The following TUSC3 variants were observed in gnomAD, a reference collection of about 807,000 sequenced individuals.
TUSC3 encodes the protein tumor suppressor candidate 3.
In TUSC3, 45 loss-of-function variants were observed where a neutral mutation model predicts 44.8. The ratio of observed to expected loss-of-function variants is 1.00; its 90% CI spans 0.79 to 1.29. The LOEUF is 1.29. Among genes scored for constraint, TUSC3 ranks in the 50% most tolerant of loss-of-function variants. TUSC3 has a pLI of 0.00. For synonymous variants in TUSC3, 212 were observed against 152.9 expected (o/e 1.39, Z -2.85); for missense variants, 519 against 437.9 (o/e 1.19, Z -1.65).
chr8:15,581,658 G>A (rs1032312973), intron 1 of TUSC3, among the ~76,000 whole-genome samples: 4 of 149,270 alleles, frequency 2.7e-5, no homozygotes, highest in Non-Finnish European at 5.9e-5. Context: ...ACCCACTTGA[G>A]GAGGCAGTCT....
At chr8:15,836,566 C>G in the TUSC3 span, among the ~76,000 whole-genome samples, 21,223 of 151,684 alleles carry the variant, frequency 0.14, 1,706 homozygotes, top group East Asian at 0.25. Flanking sequence ...TCCCTGTAGT[C>G]TAAATACGTT....
intron 1 of TUSC3, among the ~76,000 whole-genome samples, chr8:15,482,385 G>A (rs1007413655): frequency 6.6e-6 from 1 of 152,148 alleles, no homozygotes; most frequent in Non-Finnish European, 1.5e-5. Context: ...GTCTCTCCTA[G>A]AAGGTTTTCA....
At chr8:15,420,952 T>A (rs1799731329) in intron 1 of TUSC3, among the ~76,000 whole-genome samples, 1 of 152,232 alleles carries the variant, frequency 6.6e-6, no homozygotes, top group African/African-American at 2.4e-5. Flanking sequence ...TTTAATCTAG[T>A]GTCTTTGATT....
intron 6 of TUSC3, among the ~76,000 whole-genome samples, chr8:15,708,248 T>C (rs1192131015): frequency 6.6e-6 from 1 of 151,824 alleles, no homozygotes. Flanking sequence ...ATAATAAATG[T>C]AGAGGAAATG....
intron 2 of TUSC3, among the ~76,000 whole-genome samples, chr8:15,523,708 G>GTGTGTGTA (rs1432979639): frequency 8.9e-6 from 1 of 112,502 alleles, no homozygotes; most frequent in African/African-American, 3.9e-5. Flanking sequence ...GTGTGTGTGT[G>GTGTGTGTA]TATATATATA....
chr8:15,424,903 A>G (rs1438268608), intron 1 of TUSC3, among the ~76,000 whole-genome samples: 1 of 151,886 alleles, frequency 6.6e-6, no homozygotes, highest in Non-Finnish European at 1.5e-5. Context: ...AAAACTCGTT[A>G]GTGCCCTCCA....
chr8:15,499,473 A>G (rs1272899051), intron 2 of TUSC3, among the ~76,000 whole-genome samples: 4 of 152,188 alleles, frequency 2.6e-5, no homozygotes, highest in Non-Finnish European at 2.9e-5. Context: ...TTCTTCTGAT[A>G]TCTATCACTA....
chr8:15,800,197 A>G, the TUSC3 span, among the ~76,000 whole-genome samples: 100 of 152,274 alleles, frequency 6.6e-4, 6 homozygotes, highest in East Asian at 0.012. Flanking sequence ...ACATAGAGAA[A>G]CTTACATAAA....
chr8:15,776,049 T>C, the TUSC3 span, among the ~76,000 whole-genome samples: 1 of 152,072 alleles, frequency 6.6e-6, no homozygotes, highest in Non-Finnish European at 1.5e-5. Flanking sequence ...TCTAATTCAC[T>C]ATTCTCCAAA....
the TUSC3 span, among the ~76,000 whole-genome samples, chr8:15,814,470 G>A: frequency 3.3e-5 from 5 of 152,196 alleles, no homozygotes; most frequent in East Asian, 1.9e-4. Context: ...CTACTCCAAC[G>A]CAATGCGTTG....
At chr8:15,837,677 C>G in the TUSC3 span, among the ~76,000 whole-genome samples, 1 of 152,138 alleles carries the variant, frequency 6.6e-6, no homozygotes, top group Admixed American at 6.6e-5. Context: ...ACCTGACTTT[C>G]TCTGTCTTTG....
chr8:15,591,015 A>G (rs1055842653), intron 1 of TUSC3, among the ~76,000 whole-genome samples: 18 of 152,176 alleles, frequency 1.2e-4, no homozygotes, highest in African/African-American at 4.1e-4. Flanking sequence ...AAGTAGGAGA[A>G]ATCTTTGCCA....
chr8:15,530,702 T>C (rs944022402), intron 2 of TUSC3, among the ~76,000 whole-genome samples: 1 of 152,240 alleles, frequency 6.6e-6, no homozygotes, highest in Non-Finnish European at 1.5e-5. Context: ...ATTTTCAATG[T>C]AATAGTAAAT....
intron 6 of TUSC3, among the ~76,000 whole-genome samples, chr8:15,716,220 C>T (rs12676652): frequency 0.29 from 44,698 of 151,992 alleles, 7,126 homozygotes; most frequent in Admixed American, 0.39. Flanking sequence ...TGTGCCACTG[C>T]ACTCCAGCCT....
At chr8:15,543,541 C>A (rs1044588628) in intron 1 of TUSC3, among the ~76,000 whole-genome samples, 2 of 151,906 alleles carry the variant, frequency 1.3e-5, no homozygotes, top group East Asian at 3.9e-4. Flanking sequence ...ATACCCATAT[C>A]TCAGGTATTA....
rs374385953 is a variant in TUSC3, at chr8:15,442,208, G to A, written n.91+24903G>A. Among the ~76,000 whole-genome samples the A allele has an allele frequency of 1.3e-4, 20 of 151,718 alleles. No homozygotes were observed. In the East Asian group the frequency reaches 2.9e-3, roughly 22 times the overall value. ...TATATACGATTTTTGTCAATTACCT[G>A]TTGCAATTTATACTACCTATACTAT... On this transcript the variant is annotated intron_variant and non_coding_transcript_variant, in intron 1 of 5. Coordinates refer to the TUSC3 transcript ENST00000503191.
rs550861237 is a variant in TUSC3, at chr8:15,713,485, G to T, written c.799-17181G>T. Among the ~76,000 whole-genome samples, 6 of 152,216 alleles carry T rather than the reference G, an allele frequency of 3.9e-5. No homozygotes were observed. In the South Asian group the frequency reaches 1.0e-3, roughly 26 times the overall value. Reference sequence around the variant, plus strand: ...AGCAGAATTTTTGTCAGTTGTAATAGATATATTAGTTTGCTAGGGCTGCCA... The same window carrying T: ...AGCAGAATTTTTGTCAGTTGTAATATATATATTAGTTTGCTAGGGCTGCCA... On this transcript the variant is annotated intron_variant, in intron 6 of 10. Transcript: ENST00000503731.
chr8:15,529,654 A>G (rs1801424946), intron 2 of TUSC3, among the ~76,000 whole-genome samples: 1 of 152,070 alleles, frequency 6.6e-6, no homozygotes, highest in Non-Finnish European at 1.5e-5. Flanking sequence ...AAAAATGGCT[A>G]GGATTAAATA....
At chr8:15,658,700 A>T (rs570616104) in intron 3 of TUSC3, among the ~76,000 whole-genome samples, 1 of 151,516 alleles carries the variant, frequency 6.6e-6, no homozygotes, top group Non-Finnish European at 1.5e-5. Flanking sequence ...ATACACATAC[A>T]ATATATATAC....
Sources: allele counts gnomAD v4.1 joint callset (sites outside exome capture counted in the v4.1 genomes callset), GRCh38; gene constraint gnomAD v4.1.1; transcripts MANE v1.5; gene names NCBI Gene and HGNC (gene_info 2026-07-23, HGNC 2026-07-21).